PEPD: variants seen among roughly 807,000 people sequenced by gnomAD.
PEPD encodes the protein xaa-Pro dipeptidase.
Under a neutral mutation model 60.7 loss-of-function variants are expected in PEPD, and 53 were observed. That is an observed-to-expected ratio of 0.87 (90% CI 0.70 to 1.10). PEPD has a LOEUF of 1.10. Ranked by LOEUF, PEPD falls within the 50% of genes least tolerant of loss-of-function variation. The pLI is 0.00. For synonymous variants in PEPD, 267 were observed against 284.1 expected (o/e 0.94, Z 0.60); for missense variants, 711 against 711.9 (o/e 1.00, Z 0.01).
At chr19:33,404,481 G>A (rs1309820771) in intron 11 of PEPD, among the ~76,000 whole-genome samples, 4 of 151,838 alleles carry the variant, frequency 2.6e-5, no homozygotes, top group Non-Finnish European at 5.9e-5. Context: ...ACAACAACCA[G>A]GAAGCCCACA....
At chr19:33,513,664 C>A (rs1196326574) in intron 1 of PEPD, among the ~76,000 whole-genome samples, 2 of 152,318 alleles carry the variant, frequency 1.3e-5, no homozygotes, top group African/African-American at 2.4e-5. Context: ...AGCACACACT[C>A]CCTGCCCAAC....
At chr19:33,402,390 C>T (rs540111833) in intron 11 of PEPD, among the ~76,000 whole-genome samples, 61 of 152,266 alleles carry the variant, frequency 4.0e-4, no homozygotes, top group African/African-American at 1.3e-3. Flanking sequence ...ATGGGATGCA[C>T]GGCCTAGAAC....
At chr19:33,457,988 T>C (rs1368616469) in intron 9 of PEPD, among the ~76,000 whole-genome samples, 1 of 151,960 alleles carries the variant, frequency 6.6e-6, no homozygotes, top group African/African-American at 2.4e-5. Flanking sequence ...TCTGTATGGG[T>C]TGGGGGGCGG....
chr19:33,393,256 G>A lies in PEPD; in HGVS notation c.968-1777C>T, dbSNP rs538155577. On this transcript the variant is annotated intron_variant, in intron 12 of 14. Transcript: ENST00000244137. The stretch of plus-strand genomic sequence containing the variant: ...CGGGGTCTGGGGTCTGGGGTCTGGC[G>A]TGGGGGAGGGCCCGGGGTCTGGGGT... Among the ~76,000 whole-genome samples the A allele has an allele frequency of 2.7e-4, 39 of 142,116 alleles. 1 individual carries two copies. The highest frequency in any genetic ancestry group is 1.0e-3 in the African/African-American group (38 of 37,570). 93.2% of individuals were successfully genotyped at this position (142,116 alleles called of 152,430 possible). A position where few individuals can be genotyped will look rare whatever the true frequency, so the allele number is the denominator to read the frequency against.
chr19:33,445,752 C>T (rs567647164), intron 9 of PEPD, among the ~76,000 whole-genome samples: 17 of 152,332 alleles, frequency 1.1e-4, no homozygotes, highest in African/African-American at 3.4e-4. Context: ...GACCCCAGAT[C>T]CACCAGTGAG....
chr19:33,399,346 G>A (rs1968436289), intron 12 of PEPD, among the ~76,000 whole-genome samples: 1 of 152,206 alleles, frequency 6.6e-6, no homozygotes, highest in African/African-American at 2.4e-5. Context: ...GCTAAACCAG[G>A]TGAGTCCGAT....
At chr19:33,501,064 TCCTG>T in intron 3 of PEPD, 63 bp from the exon 4 acceptor site, 1 of 989,008 alleles carries the variant, frequency 1.0e-6, no homozygotes, top group South Asian at 1.3e-5. Context: ...ATGGCCACCT[TCCTG>T]CCTGCCAAGC....
At chr19:33,426,651 C>A (rs573642685) in intron 9 of PEPD, among the ~76,000 whole-genome samples, 5 of 152,230 alleles carry the variant, frequency 3.3e-5, no homozygotes, top group Non-Finnish European at 5.9e-5. Flanking sequence ...CCTGGTCACC[C>A]GGGAGGCAGC....
chr19:33,465,099 G>A (rs1035611743), intron 7 of PEPD, among the ~76,000 whole-genome samples: 3 of 152,158 alleles, frequency 2.0e-5, no homozygotes, highest in Non-Finnish European at 4.4e-5. Flanking sequence ...CAGTGAGAAC[G>A]GAGTTGGCAT....
At chr19:33,487,596 T>C (rs1970419763) in intron 6 of PEPD, among the ~76,000 whole-genome samples, 1 of 151,994 alleles carries the variant, frequency 6.6e-6, no homozygotes, top group South Asian at 2.1e-4. Context: ...GCACCCGGGG[T>C]GGGGGGCAGT....
intron 1 of PEPD, among the ~76,000 whole-genome samples, chr19:33,518,272 G>T (rs1307363603): frequency 6.6e-6 from 1 of 152,176 alleles, no homozygotes; most frequent in Non-Finnish European, 1.5e-5. Context: ...CAGGACCTGG[G>T]GAAGAGCCAG....
chr19:33,511,866 A>G (rs1035432473), intron 2 of PEPD, among the ~76,000 whole-genome samples: 1 of 152,152 alleles, frequency 6.6e-6, no homozygotes, highest in African/African-American at 2.4e-5. Context: ...GAGTGGAGAG[A>G]CGGGACCCTT....
Position 33,431,180 on chromosome 19 carries a change from AAGGG to A in PEPD, c.672-17541_672-17538del, listed in dbSNP as rs1365719619. Among the ~76,000 whole-genome samples, 1,184 of 129,988 alleles carry A rather than the reference AAGGG, an allele frequency of 9.1e-3. 14 individuals carry two copies. The highest frequency in any genetic ancestry group is 0.03 in the African/African-American group (1,059 of 34,896). The allele number at this position is 129,988 out of a possible 152,430, so 85.3% of individuals were successfully genotyped here. A position where few individuals can be genotyped will look rare whatever the true frequency, so the allele number is the denominator to read the frequency against. On this transcript the variant is annotated intron_variant, in intron 9 of 14. Coordinates refer to ENST00000244137, the MANE Select transcript of PEPD (RefSeq NM_000285.4). ...GAAGGAAAGAAGGAAGGAAGGAAGG[AAGGG>A]AGGGAGGGAGGGAGGGAGAGAGGGA...
intron 9 of PEPD, among the ~76,000 whole-genome samples, chr19:33,455,865 T>C (rs1969787491): frequency 6.6e-6 from 1 of 152,072 alleles, no homozygotes; most frequent in African/African-American, 2.4e-5. Flanking sequence ...TCCATAAAGA[T>C]GTCCACAGGG....
intron 9 of PEPD, among the ~76,000 whole-genome samples, chr19:33,425,976 ATTTAT>A (rs550782532): frequency 2.6e-5 from 4 of 152,140 alleles, no homozygotes; most frequent in East Asian, 3.9e-4. Flanking sequence ...CACCTGGCTA[ATTTAT>A]TTTATTTTAT....
rs1968084663 is a variant in PEPD, at chr19:33,387,048, A to ATGAC, written c.*292_*295dup. On this transcript the variant is annotated 3_prime_UTR_variant, in exon 15 of 15. Transcript: ENST00000244137. ...TTCTTTCCTGGGAAAAGGAATATAA[A>ATGAC]TGACAGCAAGACACATTTTAGTTGC... 2.3e-6 allele frequency: 1 copy of ATGAC among 439,902 alleles called. No individual in the cohort carries two copies. The highest frequency in any genetic ancestry group is 2.0e-5 in the African/African-American group (1 of 50,882). The allele number at this position is 439,902 out of a possible 1,614,324, so 27.2% of individuals were successfully genotyped here. A position where few individuals can be genotyped will look rare whatever the true frequency, so the allele number is the denominator to read the frequency against.
intron 9 of PEPD, among the ~76,000 whole-genome samples, chr19:33,430,445 T>C (rs1211159950): frequency 6.6e-6 from 1 of 152,144 alleles, no homozygotes; most frequent in Non-Finnish European, 1.5e-5. Flanking sequence ...CCCAGTTCAC[T>C]GCCAGGAAGA....
At position 33,400,439 on chromosome 19, in the gene PEPD, G is replaced by A. The variant is rs574307461; in HGVS notation, c.967+1282C>T. On this transcript the variant is annotated intron_variant, in intron 12 of 14. Transcript: ENST00000244137. ...GCCCCAAATGACCGAATTGGCTGGAGACTGTTCTGTTGCTTATAACCAAAG... is the reference window on the plus strand; with the variant it reads ...GCCCCAAATGACCGAATTGGCTGGAAACTGTTCTGTTGCTTATAACCAAAG... Among the ~76,000 whole-genome samples, 186 of 152,386 alleles carry A rather than the reference G, an allele frequency of 1.2e-3. 1 individual carries two copies. The highest frequency in any genetic ancestry group is 2.1e-3 in the Non-Finnish European group (143 of 68,034).
At chr19:33,515,303 C>G (rs1432909336) in intron 1 of PEPD, among the ~76,000 whole-genome samples, 3 of 152,168 alleles carry the variant, frequency 2.0e-5, no homozygotes, top group South Asian at 2.1e-4. Context: ...GCCGCACATG[C>G]TGACATGACT....
Sources: gnomAD v4.1 joint callset for allele counts (sites outside exome capture counted in the v4.1 genomes callset) on GRCh38, gnomAD v4.1.1 for gene constraint, MANE v1.5 for transcripts, NCBI Gene and HGNC (gene_info 2026-07-23, HGNC 2026-07-21) for gene names.